The following PTPRR variants were observed in gnomAD, a reference collection of about 807,000 sequenced individuals.
PTPRR encodes receptor-type tyrosine-protein phosphatase R.
In PTPRR, 38 loss-of-function variants were observed where a neutral mutation model predicts 77.2. That is an observed-to-expected ratio of 0.49 (90% CI 0.38 to 0.65). The LOEUF (loss-of-function observed/expected upper bound fraction) is 0.65, where lower values mean the gene tolerates loss of function less well. Among genes scored for constraint, PTPRR ranks in the 30% least tolerant of loss-of-function variants. The pLI is 0.00. For synonymous variants in PTPRR, 299 were observed against 283.1 expected (o/e 1.06, Z -0.57); for missense variants, 744 against 799.2 (o/e 0.93, Z 0.83).
At chr12:70,801,936 C>T (rs1891623676) in intron 2 of PTPRR, among the ~76,000 whole-genome samples, 1 of 152,160 alleles carries the variant, frequency 6.6e-6, no homozygotes, top group Non-Finnish European at 1.5e-5. Flanking sequence ...AAGGTTTTGG[C>T]TTTCATCCTA....
At chr12:70,653,846 T>C (rs1886481566) in intron 13 of PTPRR, among the ~76,000 whole-genome samples, 1 of 152,214 alleles carries the variant, frequency 6.6e-6, no homozygotes, top group Non-Finnish European at 1.5e-5. Context: ...GCAGGCAATC[T>C]GTTTCCAGAG....
intron 1 of PTPRR, among the ~76,000 whole-genome samples, chr12:70,912,543 G>A (rs1382265293): frequency 2.0e-5 from 3 of 152,132 alleles, no homozygotes; most frequent in Admixed American, 6.6e-5. Flanking sequence ...CTTGGCATTT[G>A]CTAAGTTCTA....
At chr12:70,670,765 A>G (rs1420887929) in intron 10 of PTPRR, among the ~76,000 whole-genome samples, 1 of 152,202 alleles carries the variant, frequency 6.6e-6, no homozygotes, top group Non-Finnish European at 1.5e-5. Flanking sequence ...TGTCTTCTCT[A>G]GCAGTGGAAT....
chr12:70,774,328 C>T (rs1023478253), intron 2 of PTPRR, among the ~76,000 whole-genome samples: 2 of 152,148 alleles, frequency 1.3e-5, no homozygotes, highest in African/African-American at 4.8e-5. Context: ...CACTGCAGAA[C>T]TCAATTCCCA....
intron 13 of PTPRR, among the ~76,000 whole-genome samples, chr12:70,652,979 T>A (rs1188572446): frequency 2.0e-5 from 3 of 152,156 alleles, no homozygotes; most frequent in Non-Finnish European, 4.4e-5. Context: ...AAGCCTGTTT[T>A]TCAGCACGTT....
intron 1 of PTPRR, among the ~76,000 whole-genome samples, chr12:70,907,321 G>C (rs115212916): frequency 6.6e-6 from 1 of 152,112 alleles, no homozygotes; most frequent in Non-Finnish European, 1.5e-5. Flanking sequence ...ACCTTGTAAA[G>C]TTTCCTCACA....
chr12:70,782,417 T>A (rs985039578), intron 2 of PTPRR, among the ~76,000 whole-genome samples: 3 of 152,178 alleles, frequency 2.0e-5, no homozygotes, highest in African/African-American at 7.2e-5. Context: ...CTATTCACAA[T>A]AGCAAAGACT....
chr12:70,739,200 G>A (rs1348298643), intron 6 of PTPRR, among the ~76,000 whole-genome samples: 1 of 152,158 alleles, frequency 6.6e-6, no homozygotes, highest in African/African-American at 2.4e-5. Context: ...CTGACCTAGT[G>A]TAGGCTTGTG....
At chr12:70,759,398 G>C (rs1890636095) in intron 4 of PTPRR, among the ~76,000 whole-genome samples, 2 of 152,130 alleles carry the variant, frequency 1.3e-5, no homozygotes, top group African/African-American at 4.8e-5. Context: ...TTTGTTTTAA[G>C]CTTGACGGGA....
intron 6 of PTPRR, among the ~76,000 whole-genome samples, chr12:70,733,427 C>CAACAAAAAAAA (rs1555171072): frequency 8.9e-4 from 24 of 27,026 alleles, no homozygotes; most frequent in Non-Finnish European, 1.2e-3. Flanking sequence ...CAAACAACAA[C>CAACAAAAAAAA]AAAAAAAAAA....
chr12:70,875,566 T>A (rs1239769223), intron 2 of PTPRR, among the ~76,000 whole-genome samples: 2 of 151,008 alleles, frequency 1.3e-5, no homozygotes, highest in Non-Finnish European at 2.9e-5. Flanking sequence ...GAAGTTTATC[T>A]ACATATAAAG....
chr12:70,765,686 C>G (rs1206929319), intron 2 of PTPRR, among the ~76,000 whole-genome samples: 1 of 152,202 alleles, frequency 6.6e-6, no homozygotes, highest in Non-Finnish European at 1.5e-5. Flanking sequence ...AGCTGGAGAT[C>G]TGAGAACGGG....
chr12:70,745,699 C>T, intron 6 of PTPRR, 119 bp downstream of exon 6: 2 of 1,161,624 alleles, frequency 1.7e-6, no homozygotes, highest in South Asian at 1.6e-5. Context: ...TCTGACTGTC[C>T]ATTTAGTGGT....
intron 8 of PTPRR, among the ~76,000 whole-genome samples, chr12:70,693,105 C>T (rs1592678740): frequency 6.6e-6 from 1 of 152,170 alleles, no homozygotes; most frequent in African/African-American, 2.4e-5. Context: ...TTTCCATAAA[C>T]ATCCTACACC....
At chr12:70,726,684 G>A (rs1889451197) in intron 6 of PTPRR, among the ~76,000 whole-genome samples, 1 of 151,334 alleles carries the variant, frequency 6.6e-6, no homozygotes, top group Admixed American at 6.6e-5. Flanking sequence ...GAGTTCAAAC[G>A]ATTCTTACAT....
intron 6 of PTPRR, among the ~76,000 whole-genome samples, chr12:70,715,295 A>C (rs1888982760): frequency 6.6e-6 from 1 of 152,194 alleles, no homozygotes; most frequent in East Asian, 1.9e-4. Flanking sequence ...ACAGACATCA[A>C]GTACTTCACA....
At chr12:70,768,421 A>T (rs1890882630) in intron 2 of PTPRR, among the ~76,000 whole-genome samples, 1 of 152,232 alleles carries the variant, frequency 6.6e-6, no homozygotes, top group Non-Finnish European at 1.5e-5. Context: ...GAAATGGATA[A>T]ATTCCTTGAC....
At chr12:70,732,335 G>A (rs540790285) in intron 6 of PTPRR, among the ~76,000 whole-genome samples, 11 of 152,278 alleles carry the variant, frequency 7.2e-5, no homozygotes, top group Non-Finnish European at 1.0e-4. Flanking sequence ...AGGAGCCAAC[G>A]TAACAAGAGT....
At position 70,754,535 on chromosome 12, in the gene PTPRR, G is replaced by A; in HGVS notation, c.628-234C>T. 1.9e-6 allele frequency: 3 copies of A among 1,587,886 alleles called. No individual in the cohort carries two copies. In the East Asian group the frequency reaches 6.7e-5, roughly 35 times the overall value. On this transcript the variant is annotated intron_variant, in intron 4 of 13. Transcript: ENST00000283228. ...AGCAAGCGTGCCTGACATGGCATCT[G>A]CAGGTCCCAGGCTTTCTAAACATCC...
Sources: gnomAD v4.1 joint callset for allele counts (sites outside exome capture counted in the v4.1 genomes callset) on GRCh38, gnomAD v4.1.1 for gene constraint, MANE v1.5 for transcripts, NCBI Gene and HGNC (gene_info 2026-07-23, HGNC 2026-07-21) for gene names.